Variants in SCMH1 observed in about 807,000 individuals in gnomAD.
SCMH1 encodes the protein polycomb protein SCMH1.
Under a neutral mutation model 70.8 loss-of-function variants are expected in SCMH1, and 37 were observed. That is an observed-to-expected ratio of 0.52 (90% CI 0.40 to 0.69). The LOEUF is 0.69. Among genes scored for constraint, SCMH1 ranks in the 30% least tolerant of loss-of-function variants. The pLI, the probability that SCMH1 is intolerant of heterozygous loss-of-function variation, is 0.00. For missense variants in SCMH1, 607 were observed against 827.3 expected (o/e 0.73, Z 3.27); for synonymous variants, 292 against 307.4 (o/e 0.95, Z 0.52).
At chr1:41,150,220 T>G (rs937807753) in intron 5 of SCMH1, among the ~76,000 whole-genome samples, 6 of 152,148 alleles carry the variant, frequency 3.9e-5, no homozygotes, top group African/African-American at 1.4e-4. Flanking sequence ...AAACCATTGT[T>G]GGCTAGGCCC....
At chr1:41,200,225 C>T (rs532287955) in intron 1 of SCMH1, among the ~76,000 whole-genome samples, 1 of 152,048 alleles carries the variant, frequency 6.6e-6, no homozygotes, top group African/African-American at 2.4e-5. Context: ...TGCCTGTAAT[C>T]CCAGCACTTT....
Position 41,215,129 on chromosome 1 carries a change from T to G in SCMH1, c.-118+26930A>C, listed in dbSNP as rs200358796. On this transcript the variant is annotated intron_variant, in intron 1 of 14. Transcript: ENST00000337495. ...AAGAGGCTTCAGAGACAGTTAAGTG[T>G]TAAAGTTAGTAGGTGGCTGAATTGG... 1.1e-4 allele frequency among the ~76,000 whole-genome samples: 16 copies of G among 152,278 alleles called. No individual in the cohort carries two copies. The East Asian group carries it at 3.1e-3, about 29-fold the overall frequency.
intron 8 of SCMH1, among the ~76,000 whole-genome samples, chr1:41,092,923 T>C (rs144485091): frequency 0.11 from 16,504 of 152,218 alleles, 1,271 homozygotes; most frequent in East Asian, 0.28. Flanking sequence ...ACACTACTGG[T>C]GGGACTGTAA....
At chr1:41,203,937 C>T (rs1032119282) in intron 1 of SCMH1, among the ~76,000 whole-genome samples, 1 of 152,216 alleles carries the variant, frequency 6.6e-6, no homozygotes, top group Non-Finnish European at 1.5e-5. Context: ...TGATTTCCCA[C>T]TTCACACCTC....
At chr1:41,223,960 C>T (rs573397530) in intron 1 of SCMH1, among the ~76,000 whole-genome samples, 36 of 152,264 alleles carry the variant, frequency 2.4e-4, no homozygotes, top group Non-Finnish European at 4.4e-4. Context: ...GTACAAAAAT[C>T]ATCCTCGGAT....
chr1:41,053,734 C>G (rs1649126186), intron 10 of SCMH1, among the ~76,000 whole-genome samples: 1 of 152,202 alleles, frequency 6.6e-6, no homozygotes, highest in African/African-American at 2.4e-5. Flanking sequence ...ATGGCATTGG[C>G]TCTGGACCTG....
In SCMH1 at chr1:41,132,250, T is replaced by C. The variant is rs145682023; in HGVS notation, c.412+10628A>G. 4.4e-3 allele frequency among the ~76,000 whole-genome samples: 675 copies of C among 152,338 alleles called. 10 individuals carry two copies. The highest frequency in any genetic ancestry group is 0.023 in the South Asian group (110 of 4,816). On this transcript the variant is annotated intron_variant, in intron 6 of 14. Coordinates refer to ENST00000337495, the Ensembl canonical transcript of SCMH1. Reference sequence around the variant, plus strand: ...TTAATGATCGCCATTCTAACTGGCGTGAGATGGTATCTCACTGTGATTTTG... The same window carrying C: ...TTAATGATCGCCATTCTAACTGGCGCGAGATGGTATCTCACTGTGATTTTG...
intron 1 of SCMH1, among the ~76,000 whole-genome samples, chr1:41,187,774 G>C (rs1217062857): frequency 2.7e-5 from 4 of 149,732 alleles, no homozygotes; most frequent in Non-Finnish European, 5.9e-5. Context: ...CCATCTCTAG[G>C]AGTTTGAGAC....
chr1:41,107,363 A>T (rs915928747), intron 8 of SCMH1, among the ~76,000 whole-genome samples: 8 of 151,886 alleles, frequency 5.3e-5, no homozygotes, highest in African/African-American at 1.9e-4. Context: ...TGAGCCAATG[A>T]CTAGTACTTA....
chr1:41,117,220 T>C (rs1027243340), intron 6 of SCMH1, among the ~76,000 whole-genome samples: 1 of 152,036 alleles, frequency 6.6e-6, no homozygotes, highest in African/African-American at 2.4e-5. Context: ...TTGTAGCAAT[T>C]ATTCTTTATT....
At chr1:41,142,849 C>T (rs1644227063) in intron 6 of SCMH1, 29 bp downstream of exon 6, 1 of 1,570,064 alleles carries the variant, frequency 6.4e-7, no homozygotes, top group Middle Eastern at 1.7e-4. Flanking sequence ...TAATAATTGG[C>T]TAGAAAGAGT....
At chr1:41,075,499 T>C (rs1483518420) in intron 8 of SCMH1, 48 bp from the exon 9 acceptor site, 25 of 1,508,328 alleles carry the variant, frequency 1.7e-5, no homozygotes, top group Non-Finnish European at 2.3e-5. Context: ...CCCTGCATTC[T>C]CATCCCAGCC....
chr1:41,161,504 T>C, intron 2 of SCMH1, 72 bp from the exon 3 acceptor site: 4 of 1,482,608 alleles, frequency 2.7e-6, no homozygotes, highest in South Asian at 1.3e-5. Flanking sequence ...TTTGGCAGTA[T>C]GTATTAACAG....
At chr1:41,198,235 A>G (rs942088223) in intron 1 of SCMH1, among the ~76,000 whole-genome samples, 10 of 152,150 alleles carry the variant, frequency 6.6e-5, no homozygotes, top group Non-Finnish European at 1.2e-4. Context: ...CTTGGCTCCA[A>G]CTGAATCCAT....
chr1:41,151,736 T>C (rs1449283057), intron 4 of SCMH1, 52 bp from the exon 5 acceptor site: 5 of 1,339,574 alleles, frequency 3.7e-6, no homozygotes, highest in Non-Finnish European at 4.2e-6. Flanking sequence ...AAAAAAATGT[T>C]TTCAGGGTAT....
intron 8 of SCMH1, among the ~76,000 whole-genome samples, chr1:41,084,510 C>G (rs1228819949): frequency 6.6e-6 from 1 of 152,164 alleles, no homozygotes; most frequent in East Asian, 1.9e-4. Flanking sequence ...GAAATAGGAA[C>G]ACTTTTACAC....
intron 12 of SCMH1, among the ~76,000 whole-genome samples, chr1:41,041,004 G>A (rs1391242942): frequency 6.6e-6 from 1 of 152,050 alleles, no homozygotes; most frequent in Non-Finnish European, 1.5e-5. Flanking sequence ...TTAAGCAGAG[G>A]TCAGATGACC....
chr1:41,127,785 T>C (rs1455550345), intron 6 of SCMH1, among the ~76,000 whole-genome samples: 1 of 152,078 alleles, frequency 6.6e-6, no homozygotes, highest in Non-Finnish European at 1.5e-5. Context: ...TCTTCCTCCC[T>C]CCACTTCCCT....
At chr1:41,211,136 C>A (rs1280526912) in intron 1 of SCMH1, among the ~76,000 whole-genome samples, 1 of 152,180 alleles carries the variant, frequency 6.6e-6, no homozygotes, top group East Asian at 1.9e-4. Context: ...ACACCAAAAG[C>A]AATGGAAACA....
Sources: allele counts gnomAD v4.1 joint callset (sites outside exome capture counted in the v4.1 genomes callset), GRCh38; gene constraint gnomAD v4.1.1; transcripts MANE v1.5; gene names NCBI Gene and HGNC (gene_info 2026-07-23, HGNC 2026-07-21).